The following NAALADL2 variants were observed in gnomAD, a reference collection of about 807,000 sequenced individuals.
NAALADL2 encodes inactive N-acetylated-alpha-linked acidic dipeptidase-like protein 2.
A neutral mutation model predicts 87.2 loss-of-function variants in NAALADL2; 76 were observed. The ratio of observed to expected loss-of-function variants is 0.87; its 90% CI spans 0.72 to 1.05. NAALADL2 has a LOEUF of 1.05. Ranked by LOEUF, NAALADL2 falls within the 50% of genes least tolerant of loss-of-function variation. NAALADL2 has a pLI of 0.00. For synonymous variants in NAALADL2, 354 were observed against 331.0 expected (o/e 1.07, Z -0.75); for missense variants, 1,089 against 945.8 (o/e 1.15, Z -1.99).
chr3:174,824,131 C>T (rs1721727460), intron 3 of NAALADL2, among the ~76,000 whole-genome samples: 2 of 152,080 alleles, frequency 1.3e-5, no homozygotes, highest in Admixed American at 1.3e-4. Flanking sequence ...TTATTGCTTA[C>T]ACTTTATTAG....
chr3:174,981,962 A>T (rs924472350), intron 1 of NAALADL2, among the ~76,000 whole-genome samples: 19 of 152,214 alleles, frequency 1.2e-4, no homozygotes, highest in African/African-American at 4.6e-4. Flanking sequence ...AAGTCACAAA[A>T]GCACTTTTAT....
chr3:174,481,202 T>TA (rs1286041424), intron 1 of NAALADL2, among the ~76,000 whole-genome samples: 1 of 151,592 alleles, frequency 6.6e-6, no homozygotes, highest in Non-Finnish European at 1.5e-5. Context: ...TGTTCAGGAG[T>TA]AGAGGAGTGC....
intron 1 of NAALADL2, among the ~76,000 whole-genome samples, chr3:175,001,888 A>G (rs1748283007): frequency 6.6e-6 from 1 of 152,168 alleles, no homozygotes; most frequent in Non-Finnish European, 1.5e-5. Context: ...ATTATGTTAC[A>G]GTCAAAACAC....
intron 13 of NAALADL2, among the ~76,000 whole-genome samples, chr3:175,793,812 G>A (rs1210542307): frequency 6.6e-6 from 1 of 151,984 alleles, no homozygotes; most frequent in Non-Finnish European, 1.5e-5. Flanking sequence ...CTATCCCTAA[G>A]CAACTAACAC....
At chr3:174,942,743 A>T (rs74401257) in intron 1 of NAALADL2, among the ~76,000 whole-genome samples, 6,209 of 151,768 alleles carry the variant, frequency 0.041, 426 homozygotes, top group African/African-American at 0.14. Context: ...TTTTATTATT[A>T]TTTTTTCCTT....
At chr3:175,256,610 G>A in intron 4 of NAALADL2, 80 bp downstream of exon 4, 1 of 1,422,298 alleles carries the variant, frequency 7.0e-7, no homozygotes, top group Non-Finnish European at 9.6e-7. Flanking sequence ...TTGTGAGTGT[G>A]GAGTGTGTGT....
At chr3:174,962,423 A>G (rs1311458611) in intron 1 of NAALADL2, among the ~76,000 whole-genome samples, 1 of 143,118 alleles carries the variant, frequency 7.0e-6, no homozygotes, top group East Asian at 2.0e-4. Context: ...ATATATATAT[A>G]TATATATATG....
intron 2 of NAALADL2, among the ~76,000 whole-genome samples, chr3:174,670,663 A>G (rs922748593): frequency 3.3e-5 from 5 of 152,028 alleles, no homozygotes; most frequent in African/African-American, 4.8e-5. Context: ...TATGAATTGA[A>G]CTGTAGGAAA....
chr3:174,840,459 A>G (rs900929226), intron 3 of NAALADL2, among the ~76,000 whole-genome samples: 5 of 152,148 alleles, frequency 3.3e-5, no homozygotes, highest in African/African-American at 1.2e-4. Flanking sequence ...TTGACACATT[A>G]AAATATAGGG....
chr3:175,598,972 A>C (rs763625831), intron 10 of NAALADL2, among the ~76,000 whole-genome samples: 1 of 152,140 alleles, frequency 6.6e-6, no homozygotes, highest in African/African-American at 2.4e-5. Context: ...TTGAAGTTAC[A>C]TTGTTTGGAT....
intron 1 of NAALADL2, among the ~76,000 whole-genome samples, chr3:175,009,887 ATATT>A (rs1240424789): frequency 6.6e-6 from 1 of 151,996 alleles, no homozygotes; most frequent in Non-Finnish European, 1.5e-5. Flanking sequence ...TCAAAATAAT[ATATT>A]TATATAATAT....
At chr3:175,117,201 G>A (rs570801823) in intron 2 of NAALADL2, among the ~76,000 whole-genome samples, 42 of 152,120 alleles carry the variant, frequency 2.8e-4, no homozygotes, top group African/African-American at 9.2e-4. Context: ...CATAGGCATG[G>A]GCAAGGACTT....
chr3:175,711,210 G>T (rs2150001387), intron 11 of NAALADL2, among the ~76,000 whole-genome samples: 1 of 151,952 alleles, frequency 6.6e-6, no homozygotes, highest in East Asian at 1.9e-4. Flanking sequence ...AATTAAGGGT[G>T]CTTGAAATTC....
intron 1 of NAALADL2, among the ~76,000 whole-genome samples, chr3:174,487,417 G>A (rs1717921326): frequency 6.6e-6 from 1 of 152,036 alleles, no homozygotes; most frequent in Non-Finnish European, 1.5e-5. Context: ...TCAGAGAAAA[G>A]TAATACTTGG....
In NAALADL2 at chr3:175,733,380, A is replaced by G. The variant is rs1744053312; in HGVS notation, c.1897-3926A>G. ...TTGGTGGCAGGAAAAGAGCTTGTAT[A>G]GGGGAACTCCTGTTTTTAAAACCAT... On this transcript the variant is annotated intron_variant, in intron 11 of 13. Coordinates refer to ENST00000454872, the MANE Select transcript of NAALADL2 (RefSeq NM_207015.3). 2.0e-5 allele frequency among the ~76,000 whole-genome samples: 3 copies of G among 152,178 alleles called. No individual in the cohort carries two copies. In the South Asian group the frequency reaches 6.2e-4, roughly 32 times the overall value.
At chr3:174,908,271 A>G (rs900119245) in intron 1 of NAALADL2, among the ~76,000 whole-genome samples, 1 of 151,998 alleles carries the variant, frequency 6.6e-6, no homozygotes, top group Non-Finnish European at 1.5e-5. Flanking sequence ...AAATTTCACC[A>G]TGTCTTCACA....
intron 1 of NAALADL2, among the ~76,000 whole-genome samples, chr3:174,934,775 T>C (rs1447664822): frequency 1.3e-5 from 2 of 152,056 alleles, no homozygotes; most frequent in Non-Finnish European, 2.9e-5. Flanking sequence ...TCTCAAAGAA[T>C]GCACAATGTT....
At chr3:175,554,448 T>C (rs1714937756) in intron 9 of NAALADL2, among the ~76,000 whole-genome samples, 1 of 152,144 alleles carries the variant, frequency 6.6e-6, no homozygotes, top group Non-Finnish European at 1.5e-5. Flanking sequence ...TTTAAGCGTT[T>C]ATGTTTTGGG....
intron 1 of NAALADL2, among the ~76,000 whole-genome samples, chr3:175,088,933 T>A (rs1719568881): frequency 6.6e-6 from 1 of 152,072 alleles, no homozygotes; most frequent in Non-Finnish European, 1.5e-5. Flanking sequence ...GGTTTTAATA[T>A]CTGAAAACAG....
Sources: gnomAD v4.1 joint callset for allele counts (sites outside exome capture counted in the v4.1 genomes callset) on GRCh38, gnomAD v4.1.1 for gene constraint, MANE v1.5 for transcripts, NCBI Gene and HGNC (gene_info 2026-07-23, HGNC 2026-07-21) for gene names.